Variants in DRC8 observed in about 807,000 individuals in gnomAD.
DRC8 encodes the protein dynein regulatory complex subunit 8.
At chr1:244,980,814 C>G in the DRC8 span, among the ~76,000 whole-genome samples, 1 of 152,098 alleles carries the variant, frequency 6.6e-6, no homozygotes, top group Non-Finnish European at 1.5e-5. Flanking sequence ...TGTGTTGGAT[C>G]GCTTGAATGT....
At chr1:244,977,557 G>T in the DRC8 span, among the ~76,000 whole-genome samples, 1 of 152,036 alleles carries the variant, frequency 6.6e-6, no homozygotes, top group Non-Finnish European at 1.5e-5. Context: ...GAAGTCGGGG[G>T]TTCCCTCTGT....
the DRC8 span, among the ~76,000 whole-genome samples, chr1:245,074,376 G>A: frequency 6.6e-6 from 1 of 152,168 alleles, no homozygotes; most frequent in Non-Finnish European, 1.5e-5. Flanking sequence ...ACTACTTGGC[G>A]TGGGAGCGGC....
the DRC8 span, among the ~76,000 whole-genome samples, chr1:245,062,199 A>C: frequency 6.6e-6 from 1 of 152,206 alleles, no homozygotes; most frequent in African/African-American, 2.4e-5. Flanking sequence ...GTGTAGACAC[A>C]TTCTTTTCTC....
At chr1:244,993,231 G>C in the DRC8 span, among the ~76,000 whole-genome samples, 1 of 152,194 alleles carries the variant, frequency 6.6e-6, no homozygotes, top group Non-Finnish European at 1.5e-5. Flanking sequence ...ATAGCAAGAG[G>C]TGAGGGTCAT....
chr1:245,014,536 T>C, the DRC8 span, among the ~76,000 whole-genome samples: 2 of 152,150 alleles, frequency 1.3e-5, no homozygotes. Flanking sequence ...TTTGGTACCA[T>C]TAAAAATGGA....
chr1:244,988,822 G>A, the DRC8 span, among the ~76,000 whole-genome samples: 1 of 152,314 alleles, frequency 6.6e-6, no homozygotes, highest in Admixed American at 6.5e-5. Flanking sequence ...TATTCCTATA[G>A]TTCAGGTGGT....
the DRC8 span, among the ~76,000 whole-genome samples, chr1:245,120,339 T>C: frequency 6.6e-6 from 1 of 152,204 alleles, no homozygotes; most frequent in African/African-American, 2.4e-5. Flanking sequence ...CAGTTCCTAA[T>C]TGTATAAATA....
chr1:244,975,833 C>G, the DRC8 span, among the ~76,000 whole-genome samples: 3 of 151,788 alleles, frequency 2.0e-5, no homozygotes, highest in Non-Finnish European at 2.9e-5. Flanking sequence ...GCACTCCAGC[C>G]TGAGTAACAG....
the DRC8 span, among the ~76,000 whole-genome samples, chr1:245,032,479 A>C: frequency 2.6e-5 from 4 of 152,166 alleles, no homozygotes; most frequent in Non-Finnish European, 2.9e-5. Context: ...TACTGAGTAC[A>C]TTTTGTAACA....
the DRC8 span, among the ~76,000 whole-genome samples, chr1:245,092,698 G>T: frequency 6.6e-6 from 1 of 152,226 alleles, no homozygotes; most frequent in Non-Finnish European, 1.5e-5. Flanking sequence ...GCACGCTTGT[G>T]TGTAAAAAGC....
At chr1:245,079,859 G>A in the DRC8 span, among the ~76,000 whole-genome samples, 1 of 152,324 alleles carries the variant, frequency 6.6e-6, no homozygotes, top group East Asian at 1.9e-4. Flanking sequence ...GGGCTCCTGA[G>A]GTGGGGAGTT....
chr1:245,092,381 G>A, the DRC8 span, among the ~76,000 whole-genome samples: 6,730 of 152,252 alleles, frequency 0.044, 211 homozygotes, highest in Non-Finnish European at 0.07. Flanking sequence ...CCTTCCTTTC[G>A]CTTTTCTAAA....
chr1:245,037,544 T>C, the DRC8 span, among the ~76,000 whole-genome samples: 4 of 152,196 alleles, frequency 2.6e-5, no homozygotes, highest in East Asian at 7.7e-4. Context: ...ACAAACAGCA[T>C]TTTCATTAAT....
At chr1:245,068,763 A>G in the DRC8 span, among the ~76,000 whole-genome samples, 1 of 152,066 alleles carries the variant, frequency 6.6e-6, no homozygotes, top group Non-Finnish European at 1.5e-5. Context: ...CTATAATCTT[A>G]TAGTATAATT....
At chr1:245,051,379 C>CCCCA in the DRC8 span, among the ~76,000 whole-genome samples, 1 of 152,044 alleles carries the variant, frequency 6.6e-6, no homozygotes, top group African/African-American at 2.4e-5. Flanking sequence ...ACAGAGCAGA[C>CCCCA]CCCATCTCCT....
At chr1:244,975,055 C>T in the DRC8 span, among the ~76,000 whole-genome samples, 2 of 152,068 alleles carry the variant, frequency 1.3e-5, no homozygotes, top group Non-Finnish European at 2.9e-5. Flanking sequence ...CTCAGCCTCC[C>T]GAGTAGCTGG....
the DRC8 span, among the ~76,000 whole-genome samples, chr1:245,006,699 T>G: frequency 6.6e-6 from 1 of 152,092 alleles, no homozygotes; most frequent in African/African-American, 2.4e-5. Flanking sequence ...TTTGGGAGGC[T>G]GAGATGTGTG....
At chr1:244,972,356 A>G in the DRC8 span, among the ~76,000 whole-genome samples, 1 of 152,230 alleles carries the variant, frequency 6.6e-6, no homozygotes, top group East Asian at 1.9e-4. Context: ...TGAGAAATTT[A>G]CAAATGGGAG....
chr1:245,000,797 G>A, the DRC8 span, among the ~76,000 whole-genome samples: 1 of 149,976 alleles, frequency 6.7e-6, no homozygotes, highest in East Asian at 2.0e-4. Flanking sequence ...AAAAAAAAAT[G>A]TGTCTTCAGT....
Sources: gnomAD v4.1 joint callset for allele counts (sites outside exome capture counted in the v4.1 genomes callset) on GRCh38, gnomAD v4.1.1 for gene constraint, MANE v1.5 for transcripts, NCBI Gene and HGNC (gene_info 2026-07-23, HGNC 2026-07-21) for gene names.